POMGNT2: variants seen among roughly 807,000 people sequenced by gnomAD.
The protein encoded by POMGNT2 is protein O-linked-mannose beta-1,4-N-acetylglucosaminyltransferase 2.
A neutral mutation model predicts 37.8 loss-of-function variants in POMGNT2; 32 were observed. The observed-to-expected ratio is 0.85, with a 90% confidence interval of 0.64 to 1.14. The LOEUF (loss-of-function observed/expected upper bound fraction) is 1.14, where lower values mean the gene tolerates loss of function less well. POMGNT2 is among the 50% of genes most tolerant of loss of function. The probability of loss-of-function intolerance (pLI) is 0.00; values close to 1 mark genes in which losing one functional copy is unlikely to be tolerated. For synonymous variants in POMGNT2, 340 were observed against 336.8 expected (o/e 1.01, Z -0.10); for missense variants, 705 against 780.6 (o/e 0.90, Z 1.15).
At position 43,079,877 on chromosome 3, in the gene POMGNT2, C is replaced by A. The variant is rs747691921; in HGVS notation, c.1555G>T (p.Glu519Ter). ...PWNLKYLKVR[E>*]VKYEVWLQEQ... is the part of the protein sequence containing the mutation. ...TGCAGCCACACCTCGTACTTCACCT[C>A]CCTCACCTTCAGGTATTTAAGGTTC... Residue 519 changes from glutamate to a stop codon, truncating the protein, a stop_gained, in exon 2 of 2, where the codon GAG becomes TAG. Transcript: ENST00000344697. LOFTEE classifies it high-confidence loss of function. 6 of 1,614,174 alleles carry A rather than the reference C, an allele frequency of 3.7e-6. No individual in the cohort carries two copies. Among genetic ancestry groups the A allele is most frequent in the Non-Finnish European group, 5.1e-6 (6 of 1,180,016 alleles).
intron 1 of POMGNT2, among the ~76,000 whole-genome samples, chr3:43,099,751 C>G (rs1163407048): frequency 6.6e-6 from 1 of 152,004 alleles, no homozygotes; most frequent in Non-Finnish European, 1.5e-5. Flanking sequence ...TACCCAGGGA[C>G]CCTGAGATCC....
At chr3:43,095,679 G>A (rs769697831) in intron 1 of POMGNT2, among the ~76,000 whole-genome samples, 6 of 152,190 alleles carry the variant, frequency 3.9e-5, no homozygotes, top group Non-Finnish European at 8.8e-5. Context: ...TGAGTGACTT[G>A]CCCAAGGTTA....
At chr3:43,099,285 G>A (rs138266016) in intron 1 of POMGNT2, among the ~76,000 whole-genome samples, 8 of 152,284 alleles carry the variant, frequency 5.3e-5, no homozygotes, top group Admixed American at 3.9e-4. Flanking sequence ...AAAGAAACAC[G>A]AGGAAGTGTG....
rs893410002 is a variant in POMGNT2, at chr3:43,080,214, C to T, written c.1218G>A (p.Glu406=). Residue 406 remains glutamate, a synonymous_variant, in exon 2 of 2, where the codon GAG becomes GAA. Transcript: ENST00000344697. ...MMPENTVTHP[E]RPWDQGGITH... ...TGATGCCCCCCTGATCCCAGGGCCG[C>T]TCAGGGTGTGTGACTGTGTTCTCTG... The T allele has an allele frequency of 1.2e-6, 2 of 1,614,118 alleles. No homozygotes were observed. The highest frequency in any genetic ancestry group is 1.7e-6 in the Non-Finnish European group (2 of 1,180,026).
At position 43,100,647 on chromosome 3, in the gene POMGNT2, T is replaced by C. The variant is rs568202442; in HGVS notation, c.-106+5189A>G. ...ATTGATACTATAATGACAATGATAT[T>C]ATTATTAACATATGGTTTCTATTTT... is the stretch of plus-strand genomic sequence containing the variant. On this transcript the variant is annotated intron_variant, in intron 1 of 1. Transcript: ENST00000344697. Among the ~76,000 whole-genome samples the C allele has an allele frequency of 2.5e-3, 378 of 152,322 alleles. 1 individual carries two copies. Among genetic ancestry groups the C allele is most frequent in the Non-Finnish European group, 4.0e-3 (274 of 68,026 alleles).
chr3:43,092,695 C>T (rs113050220), intron 1 of POMGNT2, among the ~76,000 whole-genome samples: 2,287 of 152,236 alleles, frequency 0.015, 25 homozygotes, highest in Non-Finnish European at 0.024. Context: ...AGACAGAACC[C>T]GACAGGGGGA....
At chr3:43,081,564 A>T in intron 1 of POMGNT2, 28 bp from the exon 2 acceptor site, 1 of 789,098 alleles carries the variant, frequency 1.3e-6, no homozygotes, top group Non-Finnish European at 2.0e-6. Context: ...GAAAAGAAAA[A>T]GGAATTGGCA....
At position 43,098,029 on chromosome 3, in the gene POMGNT2, A is replaced by C. The variant is rs996581987; in HGVS notation, c.-106+7807T>G. ...AGGGTTACAGAGGTGGAGGGACCAGACAGCCAGCACCTGCCAGACCCAGGC... is the reference window on the plus strand; with the variant it reads ...AGGGTTACAGAGGTGGAGGGACCAGCCAGCCAGCACCTGCCAGACCCAGGC... On this transcript the variant is annotated intron_variant, in intron 1 of 1. Transcript: ENST00000344697. The surrounding 1 kb of genome is among the most constrained non-coding windows in gnomAD (Gnocchi z 4.3). Among the ~76,000 whole-genome samples the C allele has an allele frequency of 3.3e-5, 5 of 152,232 alleles. No homozygotes were observed. The highest frequency in any genetic ancestry group is 1.2e-4 in the African/African-American group (5 of 41,454).
chr3:43,097,890 A>C (rs1354074886), intron 1 of POMGNT2, among the ~76,000 whole-genome samples: 5 of 152,216 alleles, frequency 3.3e-5, no homozygotes, highest in Non-Finnish European at 7.3e-5. Flanking sequence ...GCTCATTTGC[A>C]AGCTCTGGTC....
At position 43,080,911 on chromosome 3, in the gene POMGNT2, G is replaced by A. The variant is rs1452727788; in HGVS notation, c.521C>T (p.Pro174Leu). The change falls in exon 2 of 2, where the codon CCA becomes CTA. Residue 174 changes from proline to leucine, a missense_variant. Pro to Leu is a moderately conservative substitution (Grantham distance 98). Coordinates refer to ENST00000344697, the MANE Select transcript of POMGNT2 (RefSeq NM_032806.6). ...AAACTGCCGCAGGGTGTAGAAGAGT[G>A]GCAGCAGGTCGTCATGAAAGACGTG... The part of the protein sequence containing the change: ...LMHVFHDDLL[P>L]LFYTLRQFPG... 6.2e-7 allele frequency: 1 copy of A among 1,614,156 alleles called. No individual in the cohort carries two copies. Among genetic ancestry groups the A allele is most frequent in the African/African-American group, 1.3e-5 (1 of 75,062 alleles).
At chr3:43,082,024 C>T (rs115861669) in intron 1 of POMGNT2, among the ~76,000 whole-genome samples, 1,657 of 152,348 alleles carry the variant, frequency 0.011, 43 homozygotes, top group African/African-American at 0.037. Flanking sequence ...ATCAGCCAAA[C>T]GCAGCCAAGA....
At chr3:43,100,757 G>A (rs2090012622) in intron 1 of POMGNT2, among the ~76,000 whole-genome samples, 1 of 152,186 alleles carries the variant, frequency 6.6e-6, no homozygotes, top group South Asian at 2.1e-4. Context: ...TAGCTTCTCA[G>A]TCTATCTTCA....
At chr3:43,095,321 G>A (rs541702671) in intron 1 of POMGNT2, among the ~76,000 whole-genome samples, 17 of 152,300 alleles carry the variant, frequency 1.1e-4, no homozygotes, top group Non-Finnish European at 2.2e-4. Context: ...TAGGATGTGC[G>A]GGTGGGCATG....
intron 1 of POMGNT2, among the ~76,000 whole-genome samples, chr3:43,083,669 G>A (rs1448919945): frequency 6.6e-6 from 1 of 152,130 alleles, no homozygotes; most frequent in Non-Finnish European, 1.5e-5. Context: ...CCTCCACCTA[G>A]GTTCCTTTAT....
intron 1 of POMGNT2, among the ~76,000 whole-genome samples, chr3:43,089,131 G>A (rs571193985): frequency 5.9e-5 from 9 of 152,266 alleles, no homozygotes; most frequent in Non-Finnish European, 8.8e-5. Flanking sequence ...GAGGATCTGC[G>A]ACAATTTTCT....
chr3:43,081,575 G>T, intron 1 of POMGNT2, 39 bp from the exon 2 acceptor site: 1 of 742,884 alleles, frequency 1.3e-6, no homozygotes, highest in Non-Finnish European at 2.1e-6. Context: ...GGAATTGGCA[G>T]TCTTCCTGGC....
In POMGNT2 at chr3:43,080,097, T is replaced by G; in HGVS notation, c.1335A>C (p.Arg445=). 1 of 1,613,810 alleles carries G rather than the reference T, an allele frequency of 6.2e-7. No individual in the cohort carries two copies. The highest frequency in any genetic ancestry group is 8.5e-7 in the Non-Finnish European group (1 of 1,179,990). ...LCCRNPEWLF[R]IYQDTKVDIP... Reference sequence around the variant, plus strand: ...TGTCCACCTTGGTGTCCTGGTAGATTCGGAAGAGCCACTCGGGGTTCCGGC... The same window carrying G: ...TGTCCACCTTGGTGTCCTGGTAGATGCGGAAGAGCCACTCGGGGTTCCGGC... The change falls in exon 2 of 2, where the codon CGA becomes CGC. Residue 445 remains arginine (R), a synonymous_variant. Transcript: ENST00000344697.
At position 43,080,155 on chromosome 3, in the gene POMGNT2, A is replaced by G. The variant is rs1338090907; in HGVS notation, c.1277T>C (p.Leu426Pro). The change falls in exon 2 of 2, where the codon CTG becomes CCG. Residue 426 changes from leucine to proline, a missense_variant. Coordinates refer to ENST00000344697, the MANE Select transcript of POMGNT2 (RefSeq NM_032806.6). ...HLDRAEQARI[L>P]QSREVPRHLC... Reference sequence around the variant, plus strand: ...ATGCCGTGGGACCTCACGGCTTTGCAGGATACGGGCTTGCTCAGCCCGGTC... The same window carrying G: ...ATGCCGTGGGACCTCACGGCTTTGCGGGATACGGGCTTGCTCAGCCCGGTC... 5 of 1,613,884 alleles carry G rather than the reference A, an allele frequency of 3.1e-6. No individual in the cohort carries two copies. In the South Asian group the frequency reaches 5.5e-5, roughly 18 times the overall value.
At position 43,096,076 on chromosome 3, in the gene POMGNT2, AC is replaced by A. The variant is rs2089977664; in HGVS notation, c.-106+9759del. Among the ~76,000 whole-genome samples, 3 of 152,244 alleles carry A rather than the reference AC, an allele frequency of 2.0e-5. No homozygotes were observed. In the South Asian group the frequency reaches 6.2e-4, roughly 32 times the overall value. On this transcript the variant is annotated intron_variant, in intron 1 of 1. Coordinates refer to ENST00000344697, the MANE Select transcript of POMGNT2 (RefSeq NM_032806.6). ...AAAGGGATTCAAAGGGGACCCAACAACCTTGATCCTTATTTGTTTGCTTTCC... is the reference window on the plus strand; with the variant it reads ...AAAGGGATTCAAAGGGGACCCAACAACTTGATCCTTATTTGTTTGCTTTCC...
Sources: gnomAD v4.1 joint callset for allele counts (sites outside exome capture counted in the v4.1 genomes callset) on GRCh38, gnomAD v4.1.1 for gene constraint, Gnocchi (gnomAD v3.1) non-coding constraint, MANE v1.5 for transcripts, NCBI Gene and HGNC (gene_info 2026-07-23, HGNC 2026-07-21) for gene names.